GCA: variants seen among roughly 807,000 people sequenced by gnomAD.
The protein encoded by GCA is grancalcin, EF-hand calcium-binding protein.
GCA carries 30 observed loss-of-function variants against 32.6 expected under a neutral mutation model. The observed-to-expected ratio is 0.92, with a 90% CI of 0.69 to 1.25. The LOEUF (loss-of-function observed/expected upper bound fraction) is 1.25. Among genes scored for constraint, GCA ranks in the 50% most tolerant of loss-of-function variants. The probability of loss-of-function intolerance (pLI) is 0.00; values close to 1 mark genes in which losing one functional copy is unlikely to be tolerated. For missense variants in GCA, 291 were observed against 266.8 expected (o/e 1.09, Z -0.63); for synonymous variants, 102 against 84.6 (o/e 1.21, Z -1.13).
chr2:162,374,167 A>G (rs942525974), downstream of GCA, among the ~76,000 whole-genome samples: 7 of 152,276 alleles, frequency 4.6e-5, no homozygotes, highest in East Asian at 3.9e-4. Context: ...AGTATTGTAT[A>G]TTATTCATTG....
At chr2:162,330,695 C>A (rs1463954870) in intron 1 of GCA, among the ~76,000 whole-genome samples, 1 of 152,162 alleles carries the variant, frequency 6.6e-6, no homozygotes, top group Non-Finnish European at 1.5e-5. Flanking sequence ...TCTTTTCAAA[C>A]CCACTTGTAA....
chr2:162,357,754 A>T (rs765610077), intron 5 of GCA, among the ~76,000 whole-genome samples: 70 of 151,610 alleles, frequency 4.6e-4, no homozygotes, highest in Non-Finnish European at 9.0e-4. Context: ...TTAAACCTGG[A>T]CCTTAATTCA....
chr2:162,337,616 G>T (rs573415513), intron 1 of GCA, among the ~76,000 whole-genome samples: 2 of 152,210 alleles, frequency 1.3e-5, no homozygotes, highest in African/African-American at 4.8e-5. Flanking sequence ...GATCTTGGGT[G>T]GTGCATTAAT....
At chr2:162,335,607 C>A (rs144847755) in intron 1 of GCA, among the ~76,000 whole-genome samples, 7 of 152,242 alleles carry the variant, frequency 4.6e-5, no homozygotes, top group African/African-American at 1.7e-4. Flanking sequence ...GAAACTTAAT[C>A]TAAAGCTAGC....
chr2:162,343,020 TTCTC>T (rs780183826), upstream of GCA, among the ~76,000 whole-genome samples: 10 of 152,224 alleles, frequency 6.6e-5, no homozygotes, highest in Non-Finnish European at 8.8e-5. Context: ...CAATCTTCCT[TTCTC>T]TCTGCTGTTT....
Position 162,360,775 on chromosome 2 carries a change from GA to G in GCA, c.*534del. The G allele has an allele frequency of 7.3e-7, 1 of 1,370,924 alleles. No individual in the cohort carries two copies. The allele number at this position is 1,370,924 out of a possible 1,614,324, so 84.9% of individuals were successfully genotyped here. A position where few individuals can be genotyped will look rare whatever the true frequency, so the allele number is the denominator to read the frequency against. On this transcript the variant is annotated 3_prime_UTR_variant, in exon 8 of 8. Coordinates refer to ENST00000437150, the MANE Select transcript of GCA (RefSeq NM_012198.5). Reference sequence around the variant, plus strand: ...AAGAAACTTAAAGATCTTTGTCTGTGAAGAAGAAAATTATCTCCCTAGTTCA... The same window carrying G: ...AAGAAACTTAAAGATCTTTGTCTGTGAGAAGAAAATTATCTCCCTAGTTCA...
Position 162,328,700 on chromosome 2 carries a change from G to A in GCA, c.-31+9475G>A, listed in dbSNP as rs368670779. Among the ~76,000 whole-genome samples the A allele has an allele frequency of 1.5e-4, 23 of 152,314 alleles. No individual in the cohort carries two copies. In the East Asian group the frequency reaches 3.5e-3, roughly 23 times the overall value. On this transcript the variant is annotated intron_variant, in intron 1 of 4. Transcript: ENST00000429691. Reference sequence around the variant, plus strand: ...CTTTTAGTTTTGCTATCTATAGATGGCTTGTGTTAACCAGCTCAATTAAAC... The same window carrying A: ...CTTTTAGTTTTGCTATCTATAGATGACTTGTGTTAACCAGCTCAATTAAAC...
intron 1 of GCA, among the ~76,000 whole-genome samples, chr2:162,324,087 C>T (rs1683785677): frequency 6.6e-6 from 1 of 152,070 alleles, no homozygotes; most frequent in Admixed American, 6.6e-5. Context: ...GGGCTCCGAC[C>T]CACGGCAGTG....
chr2:162,319,513 G>A, intron 1 of GCA: 1 of 202,318 alleles, frequency 4.9e-6, no homozygotes, highest in South Asian at 6.6e-5. Context: ...AATACAGCAA[G>A]TTTTGGCTGG....
chr2:162,360,406 A>C lies in GCA; in HGVS notation c.*163A>C. The C allele has an allele frequency of 7.9e-7, 1 of 1,270,608 alleles. No individual in the cohort carries two copies. Among genetic ancestry groups the C allele is most frequent in the Non-Finnish European group, 1.0e-6 (1 of 985,974 alleles). 78.7% of individuals were successfully genotyped at this position (1,270,608 alleles called of 1,614,324 possible). A position where few individuals can be genotyped will look rare whatever the true frequency, so the allele number is the denominator to read the frequency against. On this transcript the variant is annotated 3_prime_UTR_variant, in exon 8 of 8. Coordinates refer to ENST00000437150, the MANE Select transcript of GCA (RefSeq NM_012198.5). ...TTTTAGCAGATAGTTCAAAGCAATA[A>C]AAGATTTCTTTTTTAATTTGAGGTA... is the stretch of plus-strand genomic sequence containing the variant.
chr2:162,341,524 A>G (rs1684449735), upstream of GCA, among the ~76,000 whole-genome samples: 1 of 152,014 alleles, frequency 6.6e-6, no homozygotes, highest in Non-Finnish European at 1.5e-5. Flanking sequence ...ATTCAGAAGA[A>G]ATTCCATAGT....
upstream of GCA, among the ~76,000 whole-genome samples, chr2:162,339,464 A>G (rs1233865257): frequency 6.6e-6 from 1 of 152,222 alleles, no homozygotes; most frequent in African/African-American, 2.4e-5. Context: ...AACAGTGAAC[A>G]TTATGATCAA....
chr2:162,325,592 C>T (rs1047642896), intron 1 of GCA, among the ~76,000 whole-genome samples: 1 of 152,186 alleles, frequency 6.6e-6, no homozygotes, highest in African/African-American at 2.4e-5. Context: ...TTTCCTCTTC[C>T]AGTTTCCCAT....
intron 1 of GCA, among the ~76,000 whole-genome samples, chr2:162,345,775 C>T (rs1297717521): frequency 2.0e-5 from 3 of 152,126 alleles, no homozygotes; most frequent in Non-Finnish European, 4.4e-5. Flanking sequence ...TTTTAAGATA[C>T]ATTGGATAAA....
At chr2:162,359,589 A>T in intron 7 of GCA, 37 bp downstream of exon 7, 1 of 1,082,124 alleles carries the variant, frequency 9.2e-7, no homozygotes. Flanking sequence ...ACTGCATTCT[A>T]GATAGTTCTC....
chr2:162,346,345 A>G (rs1441665283), intron 1 of GCA, among the ~76,000 whole-genome samples: 1 of 152,160 alleles, frequency 6.6e-6, no homozygotes, highest in East Asian at 1.9e-4. Flanking sequence ...TCCCTTCCCA[A>G]TTTGCAGCAT....
At chr2:162,349,904 A>G (rs1307360815) in intron 2 of GCA, among the ~76,000 whole-genome samples, 1 of 152,130 alleles carries the variant, frequency 6.6e-6, no homozygotes, top group African/African-American at 2.4e-5. Context: ...ATTTTATAGA[A>G]CTTTAATAAC....
intron 1 of GCA, among the ~76,000 whole-genome samples, chr2:162,321,583 G>A (rs1683665111): frequency 6.6e-6 from 1 of 151,950 alleles, no homozygotes; most frequent in Admixed American, 6.6e-5. Context: ...TGGCAGTGTG[G>A]GGTATGGTTA....
intron 1 of GCA, among the ~76,000 whole-genome samples, chr2:162,346,161 G>C (rs1684696039): frequency 6.6e-6 from 1 of 151,838 alleles, no homozygotes; most frequent in Non-Finnish European, 1.5e-5. Context: ...CTAAAACTTC[G>C]TTACATGTTT....
Sources: allele counts gnomAD v4.1 joint callset (sites outside exome capture counted in the v4.1 genomes callset), GRCh38; gene constraint gnomAD v4.1.1; transcripts MANE v1.5; gene names NCBI Gene and HGNC (gene_info 2026-07-23, HGNC 2026-07-21).